Variants in PSME3 observed in about 807,000 individuals in gnomAD.
PSME3 encodes proteasome activator subunit 3.
Under a neutral mutation model 38.3 loss-of-function variants are expected in PSME3, and 7 were observed. The observed-to-expected ratio is 0.18, with a 90% CI of 0.10 to 0.34. The LOEUF (loss-of-function observed/expected upper bound fraction) is 0.34, where lower values mean the gene tolerates loss of function less well. Ranked by LOEUF, PSME3 falls within the 10% of genes least tolerant of loss-of-function variation. PSME3 has a pLI of 1.00. For missense variants in PSME3, 192 were observed against 307.6 expected (o/e 0.62, Z 2.81); for synonymous variants, 108 against 105.7 (o/e 1.02, Z -0.13).
In PSME3 at chr17:42,834,946, T is replaced by G. The variant is rs895615697; in HGVS notation, c.243+70T>G. ...TCTGTCCTCTGTTTCCTTGTCAGTTTAAGATGTACAGAGGGAACAGTGGGA... is the reference window on the plus strand; with the variant it reads ...TCTGTCCTCTGTTTCCTTGTCAGTTGAAGATGTACAGAGGGAACAGTGGGA... On this transcript the variant is annotated intron_variant, in intron 4 of 10. Transcript: ENST00000590720. The G allele has an allele frequency of 2.3e-5, 36 of 1,595,542 alleles. No individual in the cohort carries two copies. The Admixed American group carries it at 5.4e-4, about 24-fold the overall frequency.
At chr17:42,838,843 TA>T in intron 7 of PSME3, 44 bp downstream of exon 7, 1 of 1,567,830 alleles carries the variant, frequency 6.4e-7, no homozygotes, top group African/African-American at 1.4e-5. Flanking sequence ...GCTTGGGAGA[TA>T]CTCTCATCTC....
At chr17:42,837,120 C>T (rs180852689) in intron 4 of PSME3, among the ~76,000 whole-genome samples, 119 of 152,176 alleles carry the variant, frequency 7.8e-4, no homozygotes, top group African/African-American at 2.1e-3. Flanking sequence ...GGTGCAATCT[C>T]GGCTCACTAC....
intron 4 of PSME3, among the ~76,000 whole-genome samples, chr17:42,837,304 C>T (rs952560038): frequency 2.6e-5 from 4 of 152,148 alleles, no homozygotes; most frequent in African/African-American, 9.7e-5. Context: ...CTACCTTGGC[C>T]TCTTAAAGTG....
Position 42,839,282 on chromosome 17 carries a change from C to T in PSME3, c.598-12C>T, listed in dbSNP as rs772258450. On this transcript the variant is annotated splice_polypyrimidine_tract_variant and intron_variant, in intron 9 of 10. Transcript: ENST00000590720. ...CTTTGGGGACTAGCTTTTTCCTGTA[C>T]CCTCCTTGCAGGAGGACTATCGCCG... is the stretch of plus-strand genomic sequence containing the variant. The T allele has an allele frequency of 6.2e-7, 1 of 1,607,168 alleles. No homozygotes were observed. Among genetic ancestry groups the T allele is most frequent in the Non-Finnish European group, 8.5e-7 (1 of 1,173,752 alleles).
Position 42,833,443 on chromosome 17 carries a change from G to C in PSME3, c.-189G>C. ...GAAAGCCGGGAGGGCGAGCGAGAGA[G>C]CAAGCAGGCAGCAGGCTGCCGGCGG... On this transcript the variant is annotated 5_prime_UTR_variant, in exon 1 of 11. Coordinates refer to ENST00000590720, the MANE Select transcript of PSME3 (RefSeq NM_005789.4). 1 of 649,350 alleles carries C rather than the reference G, an allele frequency of 1.5e-6. No homozygotes were observed. The highest frequency in any genetic ancestry group is 2.7e-6 in the Non-Finnish European group (1 of 376,456). 40.2% of individuals were successfully genotyped at this position (649,350 alleles called of 1,614,324 possible).
At chr17:42,840,588 A>G (rs1481144474) in intron 10 of PSME3, among the ~76,000 whole-genome samples, 2 of 152,204 alleles carry the variant, frequency 1.3e-5, no homozygotes, top group African/African-American at 4.8e-5. Context: ...AGCCTGGGCA[A>G]CAAGAGCAAA....
intron 4 of PSME3, among the ~76,000 whole-genome samples, chr17:42,835,833 A>G (rs2055455559): frequency 6.6e-6 from 1 of 152,108 alleles, no homozygotes; most frequent in Non-Finnish European, 1.5e-5. Context: ...GTTATGGGAT[A>G]TGCAGTTCTC....
chr17:42,839,768 G>A (rs1325646888), intron 10 of PSME3, among the ~76,000 whole-genome samples: 1 of 152,246 alleles, frequency 6.6e-6, no homozygotes, highest in Non-Finnish European at 1.5e-5. Flanking sequence ...AGGCCAAGCC[G>A]GGTGGATCAC....
At chr17:42,841,036 G>C (rs899014957) in intron 10 of PSME3, among the ~76,000 whole-genome samples, 1 of 151,802 alleles carries the variant, frequency 6.6e-6, no homozygotes, top group Non-Finnish European at 1.5e-5. Context: ...AGGTGGCTGA[G>C]GCAGGAGAAT....
intron 10 of PSME3, among the ~76,000 whole-genome samples, chr17:42,840,628 G>GA (rs1235084063): frequency 6.6e-6 from 1 of 151,878 alleles, no homozygotes; most frequent in African/African-American, 2.4e-5. Flanking sequence ...AAACAAAACT[G>GA]AAGAGTACCT....
At position 42,840,327 on chromosome 17, in the gene PSME3, C is replaced by T. The variant is rs568150395; in HGVS notation, c.684+947C>T. Among the ~76,000 whole-genome samples, 68 of 150,768 alleles carry T rather than the reference C, an allele frequency of 4.5e-4. 1 individual carries two copies. Among genetic ancestry groups the T allele is most frequent in the Admixed American group, 4.5e-3 (68 of 15,078 alleles). On this transcript the variant is annotated intron_variant, in intron 10 of 10. Coordinates refer to ENST00000590720, the MANE Select transcript of PSME3 (RefSeq NM_005789.4). The stretch of plus-strand genomic sequence containing the variant: ...TAAAATAAAATGGGACTGAAGAGGC[C>T]GGGTGTGGTGGATCACACCTGTAAT...
chr17:42,841,179 T>C (rs1451014078), intron 10 of PSME3, among the ~76,000 whole-genome samples: 1 of 151,764 alleles, frequency 6.6e-6, no homozygotes, highest in Non-Finnish European at 1.5e-5. Flanking sequence ...CTTAATGTTG[T>C]CCATAGGTTC....
chr17:42,836,575 G>C (rs767419423), intron 4 of PSME3, among the ~76,000 whole-genome samples: 16 of 152,032 alleles, frequency 1.1e-4, no homozygotes, highest in Non-Finnish European at 1.0e-4. Flanking sequence ...CTTTCTCTGA[G>C]GGGGAACCCA....
intron 4 of PSME3, among the ~76,000 whole-genome samples, chr17:42,835,893 C>T (rs2055456387): frequency 6.6e-6 from 1 of 152,248 alleles, no homozygotes; most frequent in African/African-American, 2.4e-5. Flanking sequence ...AACACCTAGT[C>T]CTTATCAGTC....
chr17:42,834,081 T>G, intron 1 of PSME3: 1 of 1,446,060 alleles, frequency 6.9e-7, no homozygotes, highest in Non-Finnish European at 9.0e-7. Context: ...TTTTGTCTGC[T>G]TATCAAATTC....
intron 3 of PSME3, 78 bp downstream of exon 3, chr17:42,834,655 AT>A: frequency 6.3e-7 from 1 of 1,599,802 alleles, no homozygotes; most frequent in Non-Finnish European, 8.5e-7. Context: ...TAAACTGTTG[AT>A]TCTTCTTCTT....
chr17:42,837,729 C>A (rs2055480305), intron 5 of PSME3, 32 bp downstream of exon 5: 2 of 1,606,342 alleles, frequency 1.2e-6, no homozygotes, highest in Non-Finnish European at 1.7e-6. Flanking sequence ...CCTCCCCTCA[C>A]CCCATCCCTG....
At chr17:42,839,483 A>G (rs1597955647) in intron 10 of PSME3, 103 bp downstream of exon 10, 5 of 922,690 alleles carry the variant, frequency 5.4e-6, no homozygotes, top group Non-Finnish European at 8.5e-6. Flanking sequence ...GTCTGAGGTA[A>G]AATGAATAGA....
chr17:42,838,029 G>C (rs1360675016), intron 5 of PSME3, 64 bp from the exon 6 acceptor site: 2 of 1,554,440 alleles, frequency 1.3e-6, no homozygotes, highest in African/African-American at 2.7e-5. Flanking sequence ...GAAAATGAGA[G>C]AGAGGCAGGG....
Sources: gnomAD v4.1 joint callset for allele counts (sites outside exome capture counted in the v4.1 genomes callset) on GRCh38, gnomAD v4.1.1 for gene constraint, MANE v1.5 for transcripts, NCBI Gene and HGNC (gene_info 2026-07-23, HGNC 2026-07-21) for gene names.